Variants in PTPRT observed in about 807,000 individuals in gnomAD.
PTPRT encodes the protein receptor-type tyrosine-protein phosphatase T.
PTPRT carries 56 observed loss-of-function variants against 176.8 expected under a neutral mutation model. The observed-to-expected ratio is 0.32, with a 90% CI of 0.26 to 0.40. PTPRT has a LOEUF of 0.40. Ranked by LOEUF, PTPRT falls within the 10% of genes least tolerant of loss-of-function variation. The probability of loss-of-function intolerance (pLI) is 1.00; values close to 1 mark genes in which losing one functional copy is unlikely to be tolerated. For missense variants in PTPRT, 1,540 were observed against 1,908.2 expected (o/e 0.81, Z 3.60); for synonymous variants, 783 against 739.0 (o/e 1.06, Z -0.96).
chr20:42,727,008 T>C (rs78603269), intron 6 of PTPRT, among the ~76,000 whole-genome samples: 14,224 of 152,112 alleles, frequency 0.094, 842 homozygotes, highest in Non-Finnish European at 0.13. Flanking sequence ...TCACAAAAGG[T>C]TACCTCCCAA....
chr20:43,104,504 A>C (rs2425597), intron 1 of PTPRT, among the ~76,000 whole-genome samples: 77,429 of 151,984 alleles, frequency 0.51, 20,428 homozygotes, highest in African/African-American at 0.62. Flanking sequence ...AACCCCCCTG[A>C]AAAACAGAAA....
At chr20:42,570,060 G>C (rs890398167) in intron 7 of PTPRT, among the ~76,000 whole-genome samples, 5 of 152,174 alleles carry the variant, frequency 3.3e-5, no homozygotes, top group Non-Finnish European at 7.3e-5. Context: ...AAGCAGACAG[G>C]CTTCTGCTAC....
intron 7 of PTPRT, among the ~76,000 whole-genome samples, chr20:42,663,741 T>C (rs2075266408): frequency 6.6e-6 from 1 of 152,300 alleles, no homozygotes; most frequent in African/African-American, 2.4e-5. Context: ...GGCTCTTTTT[T>C]TTAAAACTTC....
chr20:42,590,422 C>T (rs1173258791), intron 7 of PTPRT, among the ~76,000 whole-genome samples: 2 of 152,172 alleles, frequency 1.3e-5, no homozygotes, highest in African/African-American at 2.4e-5. Flanking sequence ...GGAGCAAGCA[C>T]CTACTATGTG....
chr20:43,050,860 G>A (rs906545094), intron 1 of PTPRT, among the ~76,000 whole-genome samples: 1 of 152,138 alleles, frequency 6.6e-6, no homozygotes, highest in Non-Finnish European at 1.5e-5. Flanking sequence ...CCTCAAGCTT[G>A]ACCAATCAAA....
intron 1 of PTPRT, among the ~76,000 whole-genome samples, chr20:42,912,035 C>T (rs368453522): frequency 2.3e-4 from 35 of 149,658 alleles, no homozygotes; most frequent in African/African-American, 8.4e-4. Flanking sequence ...GTAATAAACC[C>T]TAGGAAATAT....
intron 1 of PTPRT, among the ~76,000 whole-genome samples, chr20:42,919,285 G>C (rs535421320): frequency 6.6e-6 from 1 of 152,206 alleles, no homozygotes; most frequent in African/African-American, 2.4e-5. Context: ...GAGCTAGATG[G>C]ACTCTTTGTA....
chr20:42,122,974 G>A (rs1242293077), intron 19 of PTPRT, among the ~76,000 whole-genome samples: 1 of 152,188 alleles, frequency 6.6e-6, no homozygotes, highest in Non-Finnish European at 1.5e-5. Flanking sequence ...TTCCTCCTGA[G>A]TGGCCCAGTA....
chr20:43,171,383 G>T (rs1462374840), intron 1 of PTPRT, among the ~76,000 whole-genome samples: 1 of 152,080 alleles, frequency 6.6e-6, no homozygotes, highest in East Asian at 1.9e-4. Flanking sequence ...GCAGGGAAAA[G>T]AACAAAATAC....
At chr20:42,604,651 G>A (rs370895455) in intron 7 of PTPRT, among the ~76,000 whole-genome samples, 4 of 152,162 alleles carry the variant, frequency 2.6e-5, no homozygotes, top group Admixed American at 1.3e-4. Context: ...GAGCTAGGTG[G>A]AGATGCTTGC....
At chr20:42,973,676 T>C (rs1400072428) in intron 1 of PTPRT, among the ~76,000 whole-genome samples, 1 of 152,176 alleles carries the variant, frequency 6.6e-6, no homozygotes, top group African/African-American at 2.4e-5. Context: ...CAGGAATAAT[T>C]ATCTTGCCAA....
At chr20:43,178,292 A>C (rs549076040) in intron 1 of PTPRT, among the ~76,000 whole-genome samples, 3 of 152,308 alleles carry the variant, frequency 2.0e-5, no homozygotes, top group African/African-American at 7.2e-5. Flanking sequence ...ACAGGGAGGA[A>C]GCTGGCTTTG....
the PTPRT span, among the ~76,000 whole-genome samples, chr20:42,049,085 G>A: frequency 1.4e-4 from 21 of 152,180 alleles, no homozygotes; most frequent in Non-Finnish European, 2.6e-4. Context: ...CTCCCAAAGT[G>A]CTGGGATTAG....
chr20:42,543,159 C>T (rs1353641259), intron 7 of PTPRT, among the ~76,000 whole-genome samples: 1 of 152,180 alleles, frequency 6.6e-6, no homozygotes, highest in Non-Finnish European at 1.5e-5. Flanking sequence ...TGGACTCTTC[C>T]TTTCACAGAA....
chr20:42,927,278 G>T (rs1477418341), intron 1 of PTPRT, among the ~76,000 whole-genome samples: 1 of 152,138 alleles, frequency 6.6e-6, no homozygotes, highest in Non-Finnish European at 1.5e-5. Context: ...AGAAAAAAGG[G>T]GGGCTGGGTG....
intron 2 of PTPRT, among the ~76,000 whole-genome samples, chr20:42,883,994 C>T (rs2079065211): frequency 1.3e-5 from 2 of 151,510 alleles, no homozygotes; most frequent in African/African-American, 4.9e-5. Context: ...CACACGTATA[C>T]ACACTATAAG....
In PTPRT at chr20:42,118,435, C is replaced by T. The variant is rs199637632; in HGVS notation, c.2950G>A (p.Val984Ile). 196 of 1,612,846 alleles carry T rather than the reference C, an allele frequency of 1.2e-4. No homozygotes were observed. Among genetic ancestry groups the T allele is most frequent in the Non-Finnish European group, 1.5e-4 (174 of 1,179,398 alleles). The change falls in exon 21 of 31, where the codon GTC (valine) becomes ATC (isoleucine). Residue 984 changes from valine (V) to isoleucine (I), a missense_variant. Val to Ile is a conservative substitution (Grantham distance 29, BLOSUM62 3). Coordinates refer to ENST00000373187, the MANE Select transcript of PTPRT (RefSeq NM_007050.6). ...MIWQENSASI[V>I]MVTNLVEVGR... ...ACTTCCACCAGGTTTGTGACCATGA[C>T]GATGCTGGCGGAGTTCTCCTGCCAG...
intron 1 of PTPRT, among the ~76,000 whole-genome samples, chr20:43,052,578 G>T (rs955586990): frequency 1.3e-5 from 2 of 152,198 alleles, no homozygotes; most frequent in East Asian, 3.8e-4. Context: ...AATGCTTTGT[G>T]AAAAACTTCA....
At chr20:43,103,058 C>T (rs2012458397) in intron 1 of PTPRT, among the ~76,000 whole-genome samples, 1 of 152,120 alleles carries the variant, frequency 6.6e-6, no homozygotes, top group South Asian at 2.1e-4. Context: ...CTTCCATGAC[C>T]AGGAAGCCCC....
Sources: allele counts gnomAD v4.1 joint callset (sites outside exome capture counted in the v4.1 genomes callset), GRCh38; gene constraint gnomAD v4.1.1; transcripts MANE v1.5; gene names NCBI Gene and HGNC (gene_info 2026-07-23, HGNC 2026-07-21).